COL15A1: variants seen among roughly 807,000 people sequenced by gnomAD.
The protein encoded by COL15A1 is collagen alpha-1(XV) chain.
COL15A1 carries 111 observed loss-of-function variants against 165.9 expected under a neutral mutation model. That is an observed-to-expected ratio of 0.67 (90% CI 0.57 to 0.78). COL15A1 has a LOEUF of 0.78. Among genes scored for constraint, COL15A1 ranks in the 30% least tolerant of loss-of-function variants. COL15A1 has a pLI of 0.00. For synonymous variants in COL15A1, 659 were observed against 674.8 expected (o/e 0.98, Z 0.36); for missense variants, 1,745 against 1,789.7 (o/e 0.98, Z 0.45).
rs142446604 is a variant in COL15A1 at position 98,981,717 on chromosome 9, A to G, written c.101-3848A>G. The stretch of plus-strand genomic sequence containing the variant: ...CCTGCCAGAGCATGGGCAGAGGAAA[A>G]GGACTGAAGAGAGTTCATGGGAGCT... On this transcript the variant is annotated intron_variant, in intron 2 of 41. Coordinates refer to ENST00000375001, the MANE Select transcript of COL15A1 (RefSeq NM_001855.5). Among the ~76,000 whole-genome samples, 69 of 152,322 alleles carry G rather than the reference A, an allele frequency of 4.5e-4. No homozygotes were observed. The East Asian group carries it at 0.012, about 26-fold the overall frequency.
Position 99,054,610 on chromosome 9 carries a change from T to C in COL15A1, c.2985T>C (p.Pro995=), listed in dbSNP as rs897089100. 3.1e-6 allele frequency: 5 copies of C among 1,613,560 alleles called. No individual in the cohort carries two copies. Among genetic ancestry groups the C allele is most frequent in the Non-Finnish European group, 4.2e-6 (5 of 1,179,784 alleles). Residue 995 remains proline (P), a synonymous_variant, in exon 32 of 42, where the codon CCT becomes CCC. Coordinates refer to ENST00000375001, the MANE Select transcript of COL15A1 (RefSeq NM_001855.5). ...VKGEKGSWGL[P]GSKGEKGDQG... The stretch of plus-strand genomic sequence containing the variant: ...GAGAGAAAGGATCCTGGGGTCTTCC[T>C]GGCTCAAAGGGAGAAAAAGGCGACC...
chr9:98,990,998 C>T (rs777594525), intron 5 of COL15A1, among the ~76,000 whole-genome samples: 62 of 152,088 alleles, frequency 4.1e-4, no homozygotes, highest in Admixed American at 1.0e-3. Flanking sequence ...TGCAGACCTT[C>T]GCGGTGAGTG....
At chr9:98,986,767 G>C (rs530612654) in intron 3 of COL15A1, among the ~76,000 whole-genome samples, 1 of 152,350 alleles carries the variant, frequency 6.6e-6, no homozygotes, top group East Asian at 1.9e-4. Flanking sequence ...CTGGAGTAGA[G>C]TGAAAGACAT....
At chr9:99,001,631 A>G (rs546991810) in intron 7 of COL15A1, among the ~76,000 whole-genome samples, 1 of 152,314 alleles carries the variant, frequency 6.6e-6, no homozygotes, top group East Asian at 1.9e-4. Flanking sequence ...TAGACTAGGA[A>G]ACTGCCAGGA....
chr9:98,988,518 A>G (rs1838355989), intron 4 of COL15A1, among the ~76,000 whole-genome samples: 1 of 152,210 alleles, frequency 6.6e-6, no homozygotes, highest in Admixed American at 6.5e-5. Context: ...TGACAGCCTC[A>G]CAAAGGTTGG....
chr9:99,038,953 G>T (rs1239647511), intron 22 of COL15A1, among the ~76,000 whole-genome samples: 2 of 152,218 alleles, frequency 1.3e-5, no homozygotes, highest in African/African-American at 2.4e-5. Flanking sequence ...CCAGTCCTGT[G>T]CACCGGCAAT....
intron 31 of COL15A1, 86 bp from the exon 32 acceptor site, chr9:99,054,490 T>A: frequency 7.0e-7 from 1 of 1,421,268 alleles, no homozygotes; most frequent in Non-Finnish European, 9.4e-7. Flanking sequence ...TAAATGAGCT[T>A]AGTTTGAAAA....
rs535173191 is a variant in COL15A1, at chr9:99,036,194, C to G, written c.2314C>G (p.Arg772Gly). 2.5e-6 allele frequency: 4 copies of G among 1,593,130 alleles called. No homozygotes were observed. Among genetic ancestry groups the G allele is most frequent in the Non-Finnish European group, 3.4e-6 (4 of 1,162,426 alleles). The change falls in exon 20 of 42, where the codon CGG becomes GGG. Residue 772 changes from arginine (R) to glycine (G), a missense_variant. Coordinates refer to ENST00000375001, the MANE Select transcript of COL15A1 (RefSeq NM_001855.5). ...GGGTCTCAAAGGAGAGAAAGGAGAC[C>G]GGGGACCCAAGGTGAGGTCACAGAG... Reference protein sequence around the residue: ...AIGLKGEKGDRGPKGERGMDG... With the variant: ...AIGLKGEKGDGGPKGERGMDG...
chr9:99,070,271 C>A lies in COL15A1; in HGVS notation c.*385C>A. 4.6e-6 allele frequency: 1 copy of A among 217,774 alleles called. No homozygotes were observed. The allele number at this position is 217,774 out of a possible 1,614,324, so 13.5% of individuals were successfully genotyped here. A position where few individuals can be genotyped will look rare whatever the true frequency, so the allele number is the denominator to read the frequency against. ...TGTCCTTCATGTTTTCTTATAAAGT[C>A]AGTGTTTAGAAATGTTACCCTTTCT... is the stretch of plus-strand genomic sequence containing the variant. On this transcript the variant is annotated 3_prime_UTR_variant, in exon 42 of 42. Coordinates refer to ENST00000375001, the MANE Select transcript of COL15A1 (RefSeq NM_001855.5).
intron 2 of COL15A1, among the ~76,000 whole-genome samples, chr9:98,979,260 C>G (rs1032533195): frequency 6.6e-6 from 1 of 152,202 alleles, no homozygotes; most frequent in Non-Finnish European, 1.5e-5. Context: ...CAAGTACATG[C>G]ACATTTGCCA....
intron 5 of COL15A1, 129 bp from the exon 6 acceptor site, chr9:98,996,805 G>T: frequency 7.2e-7 from 1 of 1,393,934 alleles, no homozygotes; most frequent in Non-Finnish European, 9.8e-7. Context: ...ACACCAAGTG[G>T]GGCCAAGCTT....
chr9:99,030,215 A>G (rs1417443064), intron 16 of COL15A1, among the ~76,000 whole-genome samples: 1 of 152,232 alleles, frequency 6.6e-6, no homozygotes, highest in Non-Finnish European at 1.5e-5. Flanking sequence ...ATTTTACCTC[A>G]TTCCTTTGCA....
At chr9:99,040,721 G>T (rs1463177802) in intron 23 of COL15A1, 165 bp downstream of exon 23, 7 of 1,292,350 alleles carry the variant, frequency 5.4e-6, no homozygotes, top group Non-Finnish European at 7.5e-6. Flanking sequence ...GTTTTGCCAT[G>T]TTGCCCAGGC....
intron 2 of COL15A1, among the ~76,000 whole-genome samples, chr9:98,981,914 C>T (rs939826526): frequency 6.6e-6 from 1 of 151,942 alleles, no homozygotes; most frequent in African/African-American, 2.4e-5. Flanking sequence ...AAGTGATCCT[C>T]CTGGCCCAAC....
chr9:98,972,279 AGAGTG>A (rs1344728291), intron 2 of COL15A1, among the ~76,000 whole-genome samples: 1 of 152,082 alleles, frequency 6.6e-6, no homozygotes, highest in African/African-American at 2.4e-5. Flanking sequence ...CTGTCACTTG[AGAGTG>A]GGCATCAGAT....
chr9:99,061,176 C>A (rs183998533), intron 36 of COL15A1, among the ~76,000 whole-genome samples: 116 of 152,320 alleles, frequency 7.6e-4, no homozygotes, highest in African/African-American at 2.7e-3. Context: ...AAGAACTGTC[C>A]TACATATGAT....
intron 2 of COL15A1, among the ~76,000 whole-genome samples, chr9:98,946,367 T>G (rs1837583845): frequency 6.6e-6 from 1 of 152,136 alleles, no homozygotes; most frequent in Admixed American, 6.5e-5. Context: ...TTAGAAGAGC[T>G]TCACGGATGG....
chr9:98,992,369 A>G (rs1485178893), intron 5 of COL15A1, among the ~76,000 whole-genome samples: 3 of 152,200 alleles, frequency 2.0e-5, no homozygotes, highest in African/African-American at 7.2e-5. Context: ...CTCACTGCCC[A>G]GGGTCGGTGG....
At position 99,024,988 on chromosome 9, in the gene COL15A1, C is replaced by A. The variant is rs758459823; in HGVS notation, c.1969C>A (p.Pro657Thr). 1.2e-6 allele frequency: 2 copies of A among 1,613,440 alleles called. No homozygotes were observed. ...TGGAGAGGATGGACCTGCTGGTGAA[C>A]CTGGGCCCCCGGTGAGCAACTGAAG... ...SPGEDGPAGE[P>T]GPPGPEGQPG... Residue 657 changes from proline to threonine, a missense_variant, in exon 15 of 42, where the codon CCT (proline) becomes ACT (threonine). Transcript: ENST00000375001.
Sources: gnomAD v4.1 joint callset for allele counts (sites outside exome capture counted in the v4.1 genomes callset) on GRCh38, gnomAD v4.1.1 for gene constraint, MANE v1.5 for transcripts, NCBI Gene and HGNC (gene_info 2026-07-23, HGNC 2026-07-21) for gene names.